Variants in KCNIP1 observed in about 807,000 individuals in gnomAD.
KCNIP1 encodes A-type potassium channel modulatory protein KCNIP1.
A neutral mutation model predicts 33.0 loss-of-function variants in KCNIP1; 18 were observed. The observed-to-expected ratio is 0.55, with a 90% CI of 0.38 to 0.81. KCNIP1 has a LOEUF of 0.81. Ranked by LOEUF, KCNIP1 falls within the 30% of genes least tolerant of loss-of-function variation. The pLI is 0.00. For missense variants in KCNIP1, 238 were observed against 271.6 expected, an observed-to-expected ratio of 0.88 and a Z score of 0.87; for synonymous variants, 93 against 98.3, an observed-to-expected ratio of 0.95 and a Z score of 0.32.
In KCNIP1 at chr5:170,495,906, T is replaced by G. The variant is rs150103338; in HGVS notation, c.88+141942T>G. Among the ~76,000 whole-genome samples, 1,062 of 152,310 alleles carry G rather than the reference T, an allele frequency of 7.0e-3. 6 individuals carry two copies. Among genetic ancestry groups the G allele is most frequent in the Non-Finnish European group, 0.011 (757 of 68,012 alleles). ...TCCCCCATTCCTTCCTCCTTCCCTC[T>G]TCCTGGGTTTCTTCCTTTTTCAGGC... On this transcript the variant is annotated intron_variant, in intron 1 of 7. Transcript: ENST00000377360.
chr5:170,474,610 C>T (rs1028552421), intron 1 of KCNIP1, among the ~76,000 whole-genome samples: 1 of 152,144 alleles, frequency 6.6e-6, no homozygotes, highest in Non-Finnish European at 1.5e-5. Context: ...TTTCTGATTC[C>T]CATAGACTCC....
chr5:170,639,299 T>G (rs956087059), intron 1 of KCNIP1: 1 of 152,182 alleles, frequency 6.6e-6, no homozygotes, highest in Non-Finnish European at 1.5e-5. Context: ...CACCCAGCCC[T>G]GAGACTGGCT....
At chr5:170,517,167 C>A (rs1008225871) in intron 1 of KCNIP1, among the ~76,000 whole-genome samples, 2 of 152,088 alleles carry the variant, frequency 1.3e-5, no homozygotes, top group Non-Finnish European at 2.9e-5. Flanking sequence ...AGGAAACTTA[C>A]AACTGTGGCA....
chr5:170,687,748 T>C (rs1030359855), intron 1 of KCNIP1, among the ~76,000 whole-genome samples: 1 of 152,192 alleles, frequency 6.6e-6, no homozygotes, highest in East Asian at 1.9e-4. Flanking sequence ...TTGCAAACTG[T>C]TACCTTAGGA....
chr5:170,371,600 C>G (rs185047700), intron 1 of KCNIP1, among the ~76,000 whole-genome samples: 13 of 152,244 alleles, frequency 8.5e-5, no homozygotes, highest in Non-Finnish European at 1.9e-4. Context: ...CCTCCATTGG[C>G]TCATTGGTGA....
chr5:170,707,948 C>T (rs778489629), intron 1 of KCNIP1, among the ~76,000 whole-genome samples: 25 of 151,846 alleles, frequency 1.6e-4, no homozygotes, highest in Non-Finnish European at 3.1e-4. Context: ...TTTATTGAAC[C>T]GAGAAGACTG....
intron 1 of KCNIP1, among the ~76,000 whole-genome samples, chr5:170,515,163 G>C (rs548371793): frequency 6.6e-6 from 1 of 152,150 alleles, no homozygotes; most frequent in African/African-American, 2.4e-5. Context: ...CCAAATGCAG[G>C]CCTCACTCAT....
At chr5:170,466,823 T>G (rs1756618746) in intron 1 of KCNIP1, among the ~76,000 whole-genome samples, 1 of 152,156 alleles carries the variant, frequency 6.6e-6, no homozygotes, top group South Asian at 2.1e-4. Context: ...CCCCACCTCC[T>G]AGTACCATCA....
At chr5:170,609,184 G>A (rs1350986083) in intron 1 of KCNIP1, among the ~76,000 whole-genome samples, 1 of 152,190 alleles carries the variant, frequency 6.6e-6, no homozygotes, top group Non-Finnish European at 1.5e-5. Context: ...AATATAATGA[G>A]AAGGCGCTTC....
chr5:170,556,611 G>C (rs555306095), intron 1 of KCNIP1, among the ~76,000 whole-genome samples: 1 of 152,232 alleles, frequency 6.6e-6, no homozygotes, highest in Non-Finnish European at 1.5e-5. Context: ...GAAAGAAGGA[G>C]GTGGGATGTG....
At chr5:170,640,080 G>A (rs1195507912) in intron 1 of KCNIP1, among the ~76,000 whole-genome samples, 3 of 152,220 alleles carry the variant, frequency 2.0e-5, no homozygotes, top group Non-Finnish European at 1.5e-5. Context: ...TGCTCTGTGA[G>A]AGTGGCAGTG....
intron 1 of KCNIP1, among the ~76,000 whole-genome samples, chr5:170,593,432 C>A (rs1208270418): frequency 6.6e-6 from 1 of 152,190 alleles, no homozygotes; most frequent in African/African-American, 2.4e-5. Context: ...GAGAGGGGAG[C>A]ATTTGTAATT....
intron 1 of KCNIP1, among the ~76,000 whole-genome samples, chr5:170,506,789 A>G (rs1328524367): frequency 6.6e-6 from 1 of 152,214 alleles, no homozygotes; most frequent in African/African-American, 2.4e-5. Flanking sequence ...AGCACTGGGC[A>G]CTCAGCCCTT....
intron 1 of KCNIP1, among the ~76,000 whole-genome samples, chr5:170,599,521 C>A (rs565276852): frequency 3.0e-4 from 46 of 152,094 alleles, no homozygotes; most frequent in Non-Finnish European, 5.6e-4. Flanking sequence ...TCAAGTAGAG[C>A]CTTTCTGGTG....
intron 1 of KCNIP1, among the ~76,000 whole-genome samples, chr5:170,659,516 A>G (rs913157673): frequency 6.6e-6 from 1 of 152,220 alleles, no homozygotes; most frequent in African/African-American, 2.4e-5. Context: ...TACTGCATGG[A>G]GAGAAGCATC....
At chr5:170,362,453 G>A (rs1763539515) in intron 1 of KCNIP1, among the ~76,000 whole-genome samples, 1 of 152,202 alleles carries the variant, frequency 6.6e-6, no homozygotes, top group South Asian at 2.1e-4. Context: ...TCTGACTGAG[G>A]AAGTGCAATT....
intron 1 of KCNIP1, among the ~76,000 whole-genome samples, chr5:170,518,426 T>C (rs545308078): frequency 2.0e-5 from 3 of 152,338 alleles, no homozygotes; most frequent in African/African-American, 7.2e-5. Flanking sequence ...ATCATTTTAA[T>C]GTAAGCTGCT....
At chr5:170,470,873 T>C (rs1264823855) in intron 1 of KCNIP1, among the ~76,000 whole-genome samples, 1 of 152,156 alleles carries the variant, frequency 6.6e-6, no homozygotes, top group Non-Finnish European at 1.5e-5. Flanking sequence ...GGAGAAAGCA[T>C]GGTGGTTGGA....
chr5:170,560,963 G>A, intron 1 of KCNIP1: 1 of 353,488 alleles, frequency 2.8e-6, no homozygotes, highest in Non-Finnish European at 5.6e-6. Flanking sequence ...CTTCTCACAA[G>A]AAGGAGTCCC....
Sources: allele counts gnomAD v4.1 joint callset (sites outside exome capture counted in the v4.1 genomes callset), GRCh38; gene constraint gnomAD v4.1.1; transcripts MANE v1.5; gene names NCBI Gene and HGNC (gene_info 2026-07-23, HGNC 2026-07-21).